Variants in ERC2 observed in about 807,000 individuals in gnomAD.
ERC2 encodes ERC protein 2.
Under a neutral mutation model 114.8 loss-of-function variants are expected in ERC2, and 42 were observed. The ratio of observed to expected loss-of-function variants is 0.37; its 90% CI spans 0.29 to 0.47. ERC2 has a LOEUF of 0.47. Among genes scored for constraint, ERC2 ranks in the 20% least tolerant of loss-of-function variants. The pLI is 0.99. For missense variants in ERC2, 939 were observed against 1,150.7 expected (o/e 0.82, Z 2.66); for synonymous variants, 454 against 425.5 (o/e 1.07, Z -0.82).
At chr3:56,271,341 T>C (rs909829892) in intron 3 of ERC2, among the ~76,000 whole-genome samples, 1 of 152,214 alleles carries the variant, frequency 6.6e-6, no homozygotes, top group Non-Finnish European at 1.5e-5. Flanking sequence ...CCTGGAGATA[T>C]GGTTATGCAC....
intron 8 of ERC2, among the ~76,000 whole-genome samples, chr3:56,016,585 A>G (rs955603598): frequency 3.9e-5 from 6 of 151,980 alleles, no homozygotes; most frequent in Non-Finnish European, 5.9e-5. Flanking sequence ...CCCAGGCCCT[A>G]TGAGGTTCTG....
chr3:56,131,868 A>G (rs1452998733), intron 6 of ERC2, among the ~76,000 whole-genome samples: 1 of 152,184 alleles, frequency 6.6e-6, no homozygotes, highest in African/African-American at 2.4e-5. Context: ...AAAATGATAA[A>G]CATTTGTGGT....
chr3:56,466,829 A>G (rs2063564545), intron 1 of ERC2, among the ~76,000 whole-genome samples: 1 of 152,222 alleles, frequency 6.6e-6, no homozygotes, highest in South Asian at 2.1e-4. Context: ...TGACCATAGG[A>G]GACAAAGTGC....
At chr3:56,219,843 A>G (rs1011633553) in intron 3 of ERC2, among the ~76,000 whole-genome samples, 2 of 152,152 alleles carry the variant, frequency 1.3e-5, no homozygotes, top group Non-Finnish European at 2.9e-5. Flanking sequence ...GGTTCAAACC[A>G]CAACTTTACT....
At chr3:55,951,424 G>C (rs945125059) in intron 12 of ERC2, among the ~76,000 whole-genome samples, 3 of 152,148 alleles carry the variant, frequency 2.0e-5, no homozygotes, top group African/African-American at 7.2e-5. Context: ...GAATCTACAG[G>C]ATGTCAAAGT....
intron 16 of ERC2, among the ~76,000 whole-genome samples, chr3:55,699,146 G>A (rs941217029): frequency 6.6e-6 from 1 of 151,996 alleles, no homozygotes; most frequent in African/African-American, 2.4e-5. Context: ...AAGAAAGGAG[G>A]GGAGGAAAGA....
chr3:56,077,537 T>C (rs901378669), intron 7 of ERC2, among the ~76,000 whole-genome samples: 1 of 152,190 alleles, frequency 6.6e-6, no homozygotes, highest in Non-Finnish European at 1.5e-5. Flanking sequence ...AACATTTGCA[T>C]TGGCAAAAGT....
At chr3:55,733,540 T>TCA (rs753638072) in intron 15 of ERC2, among the ~76,000 whole-genome samples, 3 of 95,878 alleles carry the variant, frequency 3.1e-5, no homozygotes, top group East Asian at 4.1e-4. Flanking sequence ...TTTCTCTCTC[T>TCA]CTCACACACA....
chr3:55,917,285 A>G (rs528054336), intron 13 of ERC2, among the ~76,000 whole-genome samples: 1 of 152,328 alleles, frequency 6.6e-6, no homozygotes, highest in East Asian at 1.9e-4. Flanking sequence ...AAACTTGTTA[A>G]TGAATGTTCA....
chr3:55,684,765 C>G (rs1219520539), intron 16 of ERC2, among the ~76,000 whole-genome samples: 1 of 152,120 alleles, frequency 6.6e-6, no homozygotes, highest in Non-Finnish European at 1.5e-5. Flanking sequence ...AAGCAAAGTC[C>G]CTTTTTTGAA....
chr3:56,259,681 TATG>T lies in ERC2; in HGVS notation c.1074+36335_1074+36337del, dbSNP rs1296570120. Among the ~76,000 whole-genome samples, 4 of 151,876 alleles carry T rather than the reference TATG, an allele frequency of 2.6e-5. No individual in the cohort carries two copies. In the South Asian group the frequency reaches 6.2e-4, roughly 24 times the overall value. ...TATGATATGATATGATATGATATGA[TATG>T]ATATGATATATGATTCTGAAAACAA... is the stretch of plus-strand genomic sequence containing the variant. On this transcript the variant is annotated intron_variant, in intron 3 of 17. Coordinates refer to ENST00000288221, the MANE Select transcript of ERC2 (RefSeq NM_015576.3).
At chr3:55,975,448 C>G (rs1054431599) in intron 12 of ERC2, among the ~76,000 whole-genome samples, 3 of 152,026 alleles carry the variant, frequency 2.0e-5, no homozygotes. Context: ...TTTCTTCTGT[C>G]TTGCTGGCTG....
In ERC2 at chr3:56,220,776, TCTG is replaced by T. The variant is rs1575911013; in HGVS notation, c.1075-47259_1075-47257del. 2.0e-5 allele frequency among the ~76,000 whole-genome samples: 3 copies of T among 152,340 alleles called. No individual in the cohort carries two copies. The East Asian group carries it at 5.8e-4, about 29-fold the overall frequency. On this transcript the variant is annotated intron_variant, in intron 3 of 17. Coordinates refer to ENST00000288221, the MANE Select transcript of ERC2 (RefSeq NM_015576.3). ...AGGTCACGTGCTCAAGGGATGGTTG[TCTG>T]GGAAGTTGGGAAGTACACATCTGGT...
intron 17 of ERC2, among the ~76,000 whole-genome samples, chr3:55,594,729 T>G (rs2058053235): frequency 6.6e-6 from 1 of 152,108 alleles, no homozygotes; most frequent in African/African-American, 2.4e-5. Context: ...GGCGTTCCAC[T>G]GACCTTGGCC....
chr3:55,568,942 C>T (rs1298403092), intron 17 of ERC2, among the ~76,000 whole-genome samples: 1 of 152,200 alleles, frequency 6.6e-6, no homozygotes, highest in Non-Finnish European at 1.5e-5. Flanking sequence ...AGTCTCACCT[C>T]AGGGGCTTTG....
intron 3 of ERC2, among the ~76,000 whole-genome samples, chr3:56,252,273 A>G (rs149700801): frequency 9.1e-4 from 139 of 152,298 alleles, no homozygotes; most frequent in Admixed American, 2.2e-3. Context: ...TCTTAATGTT[A>G]TAGTTCATCT....
At chr3:55,666,446 G>T (rs1378525289) in intron 17 of ERC2, among the ~76,000 whole-genome samples, 6 of 152,142 alleles carry the variant, frequency 3.9e-5, no homozygotes, top group Non-Finnish European at 8.8e-5. Context: ...TAGTGTCAAA[G>T]GTAACTTTCA....
At chr3:56,078,759 T>C (rs557799464) in intron 7 of ERC2, among the ~76,000 whole-genome samples, 2 of 152,092 alleles carry the variant, frequency 1.3e-5, no homozygotes, top group Admixed American at 1.3e-4. Flanking sequence ...GCATTTAGTA[T>C]CTTTTGGGTA....
chr3:56,374,089 T>TTTTG (rs112631533), intron 2 of ERC2, among the ~76,000 whole-genome samples: 10,218 of 151,884 alleles, frequency 0.067, 685 homozygotes, highest in East Asian at 0.25. Flanking sequence ...CATCCAGTGT[T>TTTTG]TTTGTTTGTT....
Sources: allele counts gnomAD v4.1 joint callset (sites outside exome capture counted in the v4.1 genomes callset), GRCh38; gene constraint gnomAD v4.1.1; transcripts MANE v1.5; gene names NCBI Gene and HGNC (gene_info 2026-07-23, HGNC 2026-07-21).